CASK: variants seen among roughly 807,000 people sequenced by gnomAD.
CASK encodes the protein peripheral plasma membrane protein CASK.
Under a neutral mutation model 82.9 loss-of-function variants are expected in CASK, and 4 were observed. The ratio of observed to expected loss-of-function variants is 0.05; its 90% CI spans 0.02 to 0.11. The LOEUF (loss-of-function observed/expected upper bound fraction) is 0.11. Ranked by LOEUF, CASK falls within the 10% of genes least tolerant of loss-of-function variation. The pLI, the probability that CASK is intolerant of heterozygous loss-of-function variation, is 1.00. For missense variants in CASK, 358 were observed against 720.9 expected (o/e 0.50, Z 5.76); for synonymous variants, 259 against 253.5 (o/e 1.02, Z -0.20).
intron 2 of CASK, among the ~76,000 whole-genome samples, chrX:41,820,632 T>C (rs1170042809): frequency 1.8e-5 from 2 of 111,145 alleles, no homozygotes; most frequent in African/African-American, 6.5e-5. Context: ...TCATGCTTCA[T>C]TGCAGAAATT....
At chrX:41,865,711 T>G (rs769274781) in intron 1 of CASK, among the ~76,000 whole-genome samples, 21 of 111,555 alleles carry the variant, frequency 1.9e-4, no homozygotes, top group Non-Finnish European at 2.8e-4. Flanking sequence ...TTAGGTTTAG[T>G]GTGTAGGTTC....
intron 8 of CASK, among the ~76,000 whole-genome samples, chrX:41,645,130 C>T (rs1055873703): frequency 9.0e-6 from 1 of 111,013 alleles, no homozygotes; most frequent in Non-Finnish European, 1.9e-5. Context: ...GTTTTTGTGG[C>T]TTGAAAGGCA....
chrX:41,800,369 C>G (rs1392663098), intron 2 of CASK, among the ~76,000 whole-genome samples: 1 of 110,813 alleles, frequency 9.0e-6, no homozygotes, highest in Non-Finnish European at 1.9e-5. Flanking sequence ...CCCATTTTCC[C>G]CAGCTCCTAC....
chrX:41,800,083 CTGTGT>C (rs1468517821), intron 2 of CASK, among the ~76,000 whole-genome samples: 1 of 110,865 alleles, frequency 9.0e-6, no homozygotes, highest in Non-Finnish European at 1.9e-5. Flanking sequence ...CCACACAGCT[CTGTGT>C]TGTCAAGAGA....
intron 25 of CASK, among the ~76,000 whole-genome samples, chrX:41,526,103 G>C (rs1368037635): frequency 8.9e-6 from 1 of 112,161 alleles, no homozygotes; most frequent in Non-Finnish European, 1.9e-5. Context: ...GCTCAAGCAA[G>C]CTAACAGGGA....
At chrX:41,767,578 G>A (rs1402081915) in intron 3 of CASK, among the ~76,000 whole-genome samples, 1 of 111,737 alleles carries the variant, frequency 8.9e-6, no homozygotes, top group Non-Finnish European at 1.9e-5. Context: ...AGGATTCCAC[G>A]TTGCATTTAG....
intron 3 of CASK, among the ~76,000 whole-genome samples, chrX:41,777,468 G>A (rs1177114539): frequency 2.0e-5 from 2 of 102,104 alleles, no homozygotes; most frequent in Non-Finnish European, 3.9e-5. Flanking sequence ...CAGCCTGGGC[G>A]ACAGAGCGAG....
intron 22 of CASK, among the ~76,000 whole-genome samples, chrX:41,536,792 G>T (rs975742997): frequency 1.1e-4 from 12 of 111,423 alleles, no homozygotes; most frequent in Non-Finnish European, 2.3e-4. Context: ...AAATTAAAAT[G>T]AACATGAGGC....
At chrX:41,613,737 G>A (rs926008697) in intron 11 of CASK, among the ~76,000 whole-genome samples, 1 of 109,732 alleles carries the variant, frequency 9.1e-6, no homozygotes, top group African/African-American at 3.3e-5. Context: ...TGCAAACTCC[G>A]GAAAAACAAA....
At chrX:41,826,866 A>T (rs2070678834) in intron 2 of CASK, among the ~76,000 whole-genome samples, 1 of 112,363 alleles carries the variant, frequency 8.9e-6, no homozygotes, top group African/African-American at 3.2e-5. Flanking sequence ...AGACATAAAT[A>T]TCACTTTAGT....
rs144364358 is a variant in CASK at position 41,863,120 on chromosome X, T to G, written c.60-9893A>C. ...ATGCTGCTAAGAAGTTTACATAGAT[T>G]CTTGTTATTTATCATAATTTATTTG... On this transcript the variant is annotated intron_variant, in intron 1 of 26. Coordinates refer to ENST00000378163, the MANE Select transcript of CASK (RefSeq NM_001367721.1). Among the ~76,000 whole-genome samples, 606 of 112,023 alleles carry G rather than the reference T, an allele frequency of 5.4e-3. 9 individuals carry two copies. The highest frequency in any genetic ancestry group is 0.046 in the Admixed American group (484 of 10,601).
chrX:41,583,526 T>C (rs1197067484), intron 14 of CASK, among the ~76,000 whole-genome samples: 1 of 110,836 alleles, frequency 9.0e-6, no homozygotes, highest in Non-Finnish European at 1.9e-5. Context: ...AACCTCTGTC[T>C]CCTGGGTTCA....
At chrX:41,544,022 A>C (rs2064983073) in intron 21 of CASK, among the ~76,000 whole-genome samples, 1 of 111,886 alleles carries the variant, frequency 8.9e-6, no homozygotes, top group African/African-American at 3.2e-5. Flanking sequence ...TCTTTCGTTA[A>C]GTGTCTGTTC....
intron 5 of CASK, among the ~76,000 whole-genome samples, chrX:41,709,100 A>G (rs1386882384): frequency 8.9e-6 from 1 of 111,871 alleles, no homozygotes; most frequent in Non-Finnish European, 1.9e-5. Flanking sequence ...TTCAAATGTA[A>G]TACATCCACT....
intron 2 of CASK, among the ~76,000 whole-genome samples, chrX:41,819,044 T>C (rs1319141234): frequency 1.8e-5 from 2 of 111,780 alleles, no homozygotes; most frequent in Non-Finnish European, 3.8e-5. Context: ...AATTGGACTT[T>C]ATTAAAACAG....
At chrX:41,742,348 C>T (rs1439428511) in intron 4 of CASK, among the ~76,000 whole-genome samples, 1 of 111,633 alleles carries the variant, frequency 9.0e-6, no homozygotes, top group Non-Finnish European at 1.9e-5. Context: ...CTGCCCTTCC[C>T]TTCTCTGCTT....
intron 5 of CASK, chrX:41,727,774 C>T (rs777867199): frequency 8.3e-7 from 1 of 1,208,201 alleles, no homozygotes; most frequent in South Asian, 1.8e-5. Context: ...TGTGAAAAGA[C>T]ATCTTTTGGT....
chrX:41,868,487 A>G (rs1460720741), intron 1 of CASK, among the ~76,000 whole-genome samples: 2 of 112,072 alleles, frequency 1.8e-5, no homozygotes, highest in Non-Finnish European at 3.8e-5. Context: ...GGACGTACAG[A>G]CACTCCAGCT....
intron 1 of CASK, among the ~76,000 whole-genome samples, chrX:41,918,629 G>A (rs1232999194): frequency 1.8e-5 from 2 of 112,277 alleles, no homozygotes; most frequent in African/African-American, 6.5e-5. Context: ...AGAAATCAAA[G>A]CCAAACACAA....
Sources: gnomAD v4.1 joint callset for allele counts (sites outside exome capture counted in the v4.1 genomes callset) on GRCh38, gnomAD v4.1.1 for gene constraint, MANE v1.5 for transcripts, NCBI Gene and HGNC (gene_info 2026-07-23, HGNC 2026-07-21) for gene names.